Variants in CEP112 observed in about 807,000 individuals in gnomAD.
The protein encoded by CEP112 is centrosomal protein of 112 kDa.
CEP112 carries 127 observed loss-of-function variants against 153.0 expected under a neutral mutation model. The observed-to-expected ratio is 0.83, with a 90% CI of 0.72 to 0.96. The LOEUF (loss-of-function observed/expected upper bound fraction) is 0.96, where lower values mean the gene tolerates loss of function less well. Among genes scored for constraint, CEP112 ranks in the 40% least tolerant of loss-of-function variants. The pLI, the probability that CEP112 is intolerant of heterozygous loss-of-function variation, is 0.00. For synonymous variants in CEP112, 358 were observed against 374.4 expected (o/e 0.96, Z 0.51); for missense variants, 1,089 against 1,101.2 (o/e 0.99, Z 0.16).
intron 21 of CEP112, among the ~76,000 whole-genome samples, chr17:65,845,350 TA>T (rs1267205825): frequency 6.6e-6 from 1 of 152,146 alleles, no homozygotes; most frequent in Non-Finnish European, 1.5e-5. Flanking sequence ...AAATTTGTTA[TA>T]CCCATAAAAC....
At chr17:66,179,342 G>A (rs117005781) in intron 2 of CEP112, among the ~76,000 whole-genome samples, 5,187 of 151,744 alleles carry the variant, frequency 0.034, 132 homozygotes, top group Middle Eastern at 0.062. Flanking sequence ...GTATCTTTCT[G>A]TTTTTTTGTG....
intron 23 of CEP112, among the ~76,000 whole-genome samples, chr17:65,737,976 C>G (rs2050899998): frequency 1.3e-5 from 2 of 152,312 alleles, no homozygotes; most frequent in Middle Eastern, 3.4e-3. Context: ...CCAGGCTTCT[C>G]ATAGCAACCT....
chr17:66,035,590 C>G (rs538028950), intron 12 of CEP112, among the ~76,000 whole-genome samples: 5 of 152,312 alleles, frequency 3.3e-5, no homozygotes, highest in Non-Finnish European at 7.3e-5. Flanking sequence ...AATCACACTT[C>G]TGCTTATTTA....
At chr17:65,911,096 C>T (rs1356124118) in intron 19 of CEP112, among the ~76,000 whole-genome samples, 2 of 152,148 alleles carry the variant, frequency 1.3e-5, no homozygotes, top group African/African-American at 2.4e-5. Flanking sequence ...TAGTGATGCT[C>T]AAGCATGCAA....
At chr17:66,026,087 C>T (rs184209947) in intron 16 of CEP112, among the ~76,000 whole-genome samples, 63 of 151,824 alleles carry the variant, frequency 4.1e-4, no homozygotes, top group Non-Finnish European at 5.3e-4. Flanking sequence ...TACACATGAA[C>T]GTAGAGTGTG....
chr17:65,826,085 AT>A, intron 21 of CEP112: 3 of 1,575,638 alleles, frequency 1.9e-6, no homozygotes, highest in Non-Finnish European at 2.6e-6. Flanking sequence ...AATGAGATTT[AT>A]TTTTTCAGCA....
At chr17:66,056,618 G>A (rs189094905) in intron 11 of CEP112, among the ~76,000 whole-genome samples, 11 of 152,232 alleles carry the variant, frequency 7.2e-5, no homozygotes, top group Non-Finnish European at 1.5e-4. Context: ...TACGGTAAGT[G>A]AAAGAAGCCA....
intron 19 of CEP112, among the ~76,000 whole-genome samples, chr17:65,917,370 C>T (rs2060531477): frequency 6.6e-6 from 1 of 151,968 alleles, no homozygotes; most frequent in Non-Finnish European, 1.5e-5. Flanking sequence ...ACTGGATGTA[C>T]CATAAATCAT....
chr17:65,872,340 T>C (rs1258739031), intron 20 of CEP112, among the ~76,000 whole-genome samples: 1 of 152,024 alleles, frequency 6.6e-6, no homozygotes, highest in Non-Finnish European at 1.5e-5. Context: ...ATTAGAATCA[T>C]AATACATGAT....
chr17:65,828,309 T>C (rs1469986051), intron 21 of CEP112, among the ~76,000 whole-genome samples: 4 of 152,208 alleles, frequency 2.6e-5, no homozygotes, highest in Non-Finnish European at 5.9e-5. Context: ...CTGGGACTGT[T>C]TTCTCCAGTA....
At chr17:66,156,871 G>C (rs1182319626) in intron 4 of CEP112, among the ~76,000 whole-genome samples, 1 of 152,158 alleles carries the variant, frequency 6.6e-6, no homozygotes, top group Non-Finnish European at 1.5e-5. Context: ...AGAAATATGG[G>C]ACTATGTGAA....
At chr17:65,739,661 G>A (rs924961889) in intron 23 of CEP112, among the ~76,000 whole-genome samples, 7 of 152,020 alleles carry the variant, frequency 4.6e-5, no homozygotes, top group South Asian at 2.1e-4. Context: ...GCTTGAACCC[G>A]GGAGGCGGAA....
Position 65,691,714 on chromosome 17 carries a change from A to G in CEP112, c.2608-2496T>C, listed in dbSNP as rs371055820. ...TGAGGTAGCCTTTCCCCCACCCCCT[A>G]CTTTCATAGCTACCAACAAATAGGA... On this transcript the variant is annotated intron_variant, in intron 23 of 26. Coordinates refer to ENST00000535342, the MANE Select transcript of CEP112 (RefSeq NM_001199165.4). 7.9e-5 allele frequency among the ~76,000 whole-genome samples: 12 copies of G among 152,144 alleles called. No homozygotes were observed. The East Asian group carries it at 1.7e-3, about 22-fold the overall frequency.
chr17:65,988,666 G>A (rs539137049), intron 17 of CEP112, among the ~76,000 whole-genome samples: 2 of 152,120 alleles, frequency 1.3e-5, no homozygotes, highest in East Asian at 3.9e-4. Flanking sequence ...TAGCAGAATG[G>A]TTCAAGCATT....
intron 23 of CEP112, among the ~76,000 whole-genome samples, chr17:65,692,122 C>T (rs1230650786): frequency 6.6e-6 from 1 of 152,120 alleles, no homozygotes; most frequent in Non-Finnish European, 1.5e-5. Context: ...TTTTGTGCAC[C>T]CAGTATTATT....
At chr17:66,185,280 T>C (rs2072882197) in intron 1 of CEP112, among the ~76,000 whole-genome samples, 1 of 152,208 alleles carries the variant, frequency 6.6e-6, no homozygotes, top group Non-Finnish European at 1.5e-5. Flanking sequence ...TGGAGTGCAA[T>C]GGCACAATCT....
At chr17:65,731,417 T>C (rs1030577764) in intron 23 of CEP112, among the ~76,000 whole-genome samples, 14 of 152,214 alleles carry the variant, frequency 9.2e-5, no homozygotes, top group African/African-American at 3.4e-4. Flanking sequence ...TGCTAAGACA[T>C]GCTAACAATC....
At chr17:65,970,287 G>C (rs1196398670) in intron 17 of CEP112, among the ~76,000 whole-genome samples, 1 of 147,844 alleles carries the variant, frequency 6.8e-6, no homozygotes, top group Admixed American at 6.9e-5. Context: ...ATGTAGCATG[G>C]ATGTCATACT....
chr17:65,836,168 C>T (rs9897920), intron 21 of CEP112, among the ~76,000 whole-genome samples: 58,379 of 151,862 alleles, frequency 0.38, 12,034 homozygotes, highest in East Asian at 0.79. Flanking sequence ...AGCATAGAAT[C>T]GAAACATACT....
Sources: allele counts gnomAD v4.1 joint callset (sites outside exome capture counted in the v4.1 genomes callset), GRCh38; gene constraint gnomAD v4.1.1; transcripts MANE v1.5; gene names NCBI Gene and HGNC (gene_info 2026-07-23, HGNC 2026-07-21).